Variants in TMEM147 observed in about 807,000 individuals in gnomAD.
TMEM147 encodes BOS complex subunit TMEM147.
In TMEM147, 29 loss-of-function variants were observed where a neutral mutation model predicts 29.4. The observed-to-expected ratio is 0.99, with a 90% confidence interval of 0.73 to 1.34. The LOEUF (loss-of-function observed/expected upper bound fraction) is 1.34. TMEM147 is among the 40% of genes most tolerant of loss of function. TMEM147 has a pLI of 0.00. For missense variants in TMEM147, 260 were observed against 289.4 expected, an observed-to-expected ratio of 0.90 and a Z score of 0.74; for synonymous variants, 121 against 111.8, an observed-to-expected ratio of 1.08 and a Z score of -0.52.
In TMEM147 at chr19:35,547,483, G is replaced by T; in HGVS notation, c.*36G>T. On this transcript the variant is annotated 3_prime_UTR_variant, in exon 7 of 7. Transcript: ENST00000222284. ...TCAGACATTGATGTACCTTTTCCCTGCCTCACTCCAGGTTTTAGTGAAGTA... is the reference window on the plus strand; with the variant it reads ...TCAGACATTGATGTACCTTTTCCCTTCCTCACTCCAGGTTTTAGTGAAGTA... The T allele has an allele frequency of 6.2e-7, 1 of 1,605,750 alleles. No homozygotes were observed. Among genetic ancestry groups the T allele is most frequent in the South Asian group, 1.1e-5 (1 of 90,874 alleles).
At position 35,545,639 on chromosome 19, in the gene TMEM147, C is replaced by T; in HGVS notation, c.-101C>T. ...CGGGCCCCCGCCAGTCAGGTGGGTG[C>T]CAGGCCCTGGCCGTGGCGAAAGAGC... On this transcript the variant is annotated 5_prime_UTR_variant, in exon 1 of 7. Coordinates refer to ENST00000222284, the MANE Select transcript of TMEM147 (RefSeq NM_032635.4). The T allele has an allele frequency of 1.5e-6, 2 of 1,334,116 alleles. No individual in the cohort carries two copies. Among genetic ancestry groups the T allele is most frequent in the Non-Finnish European group, 2.0e-6 (2 of 985,560 alleles). 82.6% of individuals were successfully genotyped at this position (1,334,116 alleles called of 1,614,324 possible).
Position 35,545,933 on chromosome 19 carries a change from C to G in TMEM147, c.123C>G (p.Thr41=). 6.2e-7 allele frequency: 1 copy of G among 1,613,902 alleles called. No homozygotes were observed. Among genetic ancestry groups the G allele is most frequent in the South Asian group, 1.1e-5 (1 of 91,086 alleles). The change falls in exon 2 of 7, where the codon ACC becomes ACG. Residue 41 remains threonine, a synonymous_variant. Coordinates refer to ENST00000222284, the MANE Select transcript of TMEM147 (RefSeq NM_032635.4). ...AFWKCVQAGV[T]YLFVQLCKML... Reference sequence around the variant, plus strand: ...GGAAATGCGTCCAGGCTGGAGTCACCTACCTCTTTGTCCAACTCTGCAAGG... The same window carrying G: ...GGAAATGCGTCCAGGCTGGAGTCACGTACCTCTTTGTCCAACTCTGCAAGG...
intron 2 of TMEM147, 135 bp downstream of exon 2, chr19:35,546,092 G>A (rs1026197369): frequency 3.0e-5 from 29 of 979,632 alleles, no homozygotes; most frequent in Middle Eastern, 2.6e-4. Flanking sequence ...GAGGCGTCAG[G>A]ATACCTAGAG....
At chr19:35,547,266 G>T in intron 6 of TMEM147, 26 bp downstream of exon 6, 1 of 1,614,086 alleles carries the variant, frequency 6.2e-7, no homozygotes, top group Non-Finnish European at 8.5e-7. Context: ...TTTAGGGCTG[G>T]GTCCAAAGTG....
rs1374064691 is a variant in TMEM147, at chr19:35,546,751, A to G, written c.287A>G (p.Glu96Gly). ...LVMSRNAGKG[E>G]YKIMVAALGW... ...ATGTCCCGGAATGCCGGCAAGGGAGAGTACAAGATCATGGTTGCTGCCCTG... is the reference window on the plus strand; with the variant it reads ...ATGTCCCGGAATGCCGGCAAGGGAGGGTACAAGATCATGGTTGCTGCCCTG... The change falls in exon 4 of 7, where the codon GAG (glutamate) becomes GGG (glycine). Residue 96 changes from glutamate to glycine, a missense_variant. Glu to Gly is a moderately conservative substitution (Grantham distance 98). Transcript: ENST00000222284. 6.2e-7 allele frequency: 1 copy of G among 1,614,062 alleles called. No homozygotes were observed. Among genetic ancestry groups the G allele is most frequent in the Non-Finnish European group, 8.5e-7 (1 of 1,180,042 alleles).
intron 2 of TMEM147, chr19:35,546,291 C>A: frequency 1.7e-6 from 1 of 603,502 alleles, no homozygotes; most frequent in Non-Finnish European, 2.9e-6. Context: ...TCAGACCTGA[C>A]TCAGATGCCC....
intron 2 of TMEM147, 142 bp downstream of exon 2, chr19:35,546,099 A>G (rs1453466763): frequency 6.4e-6 from 6 of 942,122 alleles, no homozygotes; most frequent in South Asian, 1.4e-5. Context: ...CAGGATACCT[A>G]GAGAGGATGG....
chr19:35,546,855 G>A, intron 4 of TMEM147, 47 bp downstream of exon 4: 1 of 1,614,186 alleles, frequency 6.2e-7, no homozygotes, highest in Non-Finnish European at 8.5e-7. Context: ...GGGACACCTG[G>A]GTTCCACGGG....
intron 5 of TMEM147, 24 bp from the exon 6 acceptor site, chr19:35,547,095 C>T: frequency 6.2e-7 from 1 of 1,614,214 alleles, no homozygotes; most frequent in Non-Finnish European, 8.5e-7. Context: ...CAAGGCCTGG[C>T]CCCGACTTTC....
intron 2 of TMEM147, 81 bp from the exon 3 acceptor site, chr19:35,546,445 C>A (rs965700047): frequency 1.3e-6 from 2 of 1,515,680 alleles, no homozygotes; most frequent in African/African-American, 1.4e-5. Context: ...CTCTTCCTAC[C>A]CACGAACTTC....
chr19:35,547,126 A>G lies in TMEM147; in HGVS notation c.437A>G (p.Tyr146Cys), dbSNP rs373044599. ...SIDSNISLVH[Y>C]IVASAQVWMI... Reference sequence around the variant, plus strand: ...CTTTCTGCCTCCCTCTAGGTCCATTACATCGTCGCGTCTGCTCAGGTCTGG... The same window carrying G: ...CTTTCTGCCTCCCTCTAGGTCCATTGCATCGTCGCGTCTGCTCAGGTCTGG... Residue 146 changes from tyrosine (Y) to cysteine (C), a missense_variant, in exon 6 of 7, where the codon TAC becomes TGC. Coordinates refer to ENST00000222284, the MANE Select transcript of TMEM147 (RefSeq NM_032635.4). 1.9e-6 allele frequency: 3 copies of G among 1,614,006 alleles called. No individual in the cohort carries two copies. In the African/African-American group the frequency reaches 4.0e-5, roughly 22 times the overall value.
Position 35,545,780 on chromosome 19 carries a change from A to G in TMEM147, c.41A>G (p.Tyr14Cys). ...TTCGGGAACTGCTTCGCTCTTGCCT[A>G]CTTCCCCTACTTCATCACCTACAAG... ...FHFGNCFALA[Y>C]FPYFITYKCS... The change falls in exon 1 of 7, where the codon TAC (tyrosine) becomes TGC (cysteine). Residue 14 changes from tyrosine (Y) to cysteine (C), a missense_variant. By Grantham distance (194) the Tyr-to-Cys change is radical. Transcript: ENST00000222284. The G allele has an allele frequency of 6.2e-7, 1 of 1,613,644 alleles. No individual in the cohort carries two copies. The highest frequency in any genetic ancestry group is 8.5e-7 in the Non-Finnish European group (1 of 1,179,870).
chr19:35,546,448 C>G, intron 2 of TMEM147, 78 bp from the exon 3 acceptor site: 1 of 1,525,204 alleles, frequency 6.6e-7, no homozygotes, highest in Non-Finnish European at 8.9e-7. Context: ...TTCCTACCCA[C>G]GAACTTCCCA....
In TMEM147 at chr19:35,547,373, C is replaced by T. The variant is rs1461245101; in HGVS notation, c.601C>T (p.Arg201Ter). 5.6e-6 allele frequency: 9 copies of T among 1,613,860 alleles called. No individual in the cohort carries two copies. The highest frequency in any genetic ancestry group is 5.0e-5 in the Admixed American group (3 of 59,998). ...SLGSWAALLA[R>*]AVVTGLLALS... ...GGGCAGTTGGGCAGCTCTACTGGCC[C>T]GAGCAGTGGTAACGGGGCTGCTGGC... Residue 201 changes from arginine (R) to a stop codon, truncating the protein, a stop_gained, in exon 7 of 7, where the codon CGA becomes TGA. Transcript: ENST00000222284. LOFTEE classifies it high-confidence loss of function.
chr19:35,547,423 C>T lies in TMEM147; in HGVS notation c.651C>T (p.Val217=), dbSNP rs111977911. The part of the protein sequence containing the change: ...LLALSTLALY[V]AVVNVHS Reference sequence around the variant, plus strand: ...CCCTCAGCACTTTGGCCCTGTATGTCGCCGTTGTCAATGTGCACTCCTAGG... The same window carrying T: ...CCCTCAGCACTTTGGCCCTGTATGTTGCCGTTGTCAATGTGCACTCCTAGG... Residue 217 remains valine, a synonymous_variant, in exon 7 of 7, where the codon GTC becomes GTT. Transcript: ENST00000222284. The T allele has an allele frequency of 7.8e-4, 1,261 of 1,613,592 alleles. 9 individuals are homozygous for T. The African/African-American group carries it at 0.015, about 20-fold the overall frequency.
Position 35,546,711 on chromosome 19 carries a change from G to C in TMEM147, c.247G>C (p.Gly83Arg). Reference sequence around the variant, plus strand: ...CAGCGTGGATGTGGCAGACCTGATAGGTCTAAACCTTGTCATGTCCCGGAA... The same window carrying C: ...CAGCGTGGATGTGGCAGACCTGATACGTCTAAACCTTGTCATGTCCCGGAA... ...KASVDVADLI[G>R]LNLVMSRNAG... The change falls in exon 4 of 7, where the codon GGT becomes CGT. Residue 83 changes from glycine (G) to arginine (R), a missense_variant. Physicochemically the swap from Gly to Arg is moderately radical, Grantham distance 125. Coordinates refer to ENST00000222284, the MANE Select transcript of TMEM147 (RefSeq NM_032635.4). 6.2e-7 allele frequency: 1 copy of C among 1,614,202 alleles called. No individual in the cohort carries two copies. The highest frequency in any genetic ancestry group is 8.5e-7 in the Non-Finnish European group (1 of 1,180,028).
chr19:35,546,851 C>T, intron 4 of TMEM147, 43 bp downstream of exon 4: 2 of 1,614,158 alleles, frequency 1.2e-6, no homozygotes, highest in Non-Finnish European at 1.7e-6. Context: ...AGAAGGGACA[C>T]CTGGGTTCCA....
Position 35,547,247 on chromosome 19 carries a change from T to C in TMEM147, c.551+7T>C, listed in dbSNP as rs1440454228. On this transcript the variant is annotated splice_region_variant and intron_variant, in intron 6 of 6. Coordinates refer to ENST00000222284, the MANE Select transcript of TMEM147 (RefSeq NM_032635.4). ...ACAAGGCCTTTGTTATGGAGTGAGT[T>C]GGGTGGGGTTTAGGGCTGGGTCCAA... 6.2e-7 allele frequency: 1 copy of C among 1,613,332 alleles called. No homozygotes were observed.
Position 35,545,778 on chromosome 19 carries a change from C to G in TMEM147, c.39C>G (p.Ala13=), listed in dbSNP as rs745748722. The stretch of plus-strand genomic sequence containing the variant: ...ACTTCGGGAACTGCTTCGCTCTTGC[C>G]TACTTCCCCTACTTCATCACCTACA... The part of the protein sequence containing the change: ...LFHFGNCFAL[A]YFPYFITYKC... Residue 13 remains alanine (A), a synonymous_variant, in exon 1 of 7, where the codon GCC becomes GCG. Coordinates refer to ENST00000222284, the MANE Select transcript of TMEM147 (RefSeq NM_032635.4). 7 of 1,613,628 alleles carry G rather than the reference C, an allele frequency of 4.3e-6. No individual in the cohort carries two copies. The highest frequency in any genetic ancestry group is 1.3e-5 in the African/African-American group (1 of 74,946).
Sources: gnomAD v4.1 joint callset for allele counts on GRCh38, gnomAD v4.1.1 for gene constraint, MANE v1.5 for transcripts, NCBI Gene and HGNC (gene_info 2026-07-23, HGNC 2026-07-21) for gene names.